Variants in FAT4 observed in about 807,000 individuals in gnomAD.
FAT4 encodes FAT atypical cadherin 4, also known as protocadherin Fat 4.
In FAT4, 84 loss-of-function variants were observed where a neutral mutation model predicts 303.9. The observed-to-expected ratio is 0.28, with a 90% CI of 0.23 to 0.33. The LOEUF is 0.33. Among genes scored for constraint, FAT4 ranks in the 10% least tolerant of loss-of-function variants. The probability of loss-of-function intolerance (pLI) is 1.00; values close to 1 mark genes in which losing one functional copy is unlikely to be tolerated. For missense variants in FAT4, 6,005 were observed against 6,146.8 expected, an observed-to-expected ratio of 0.98 and a Z score of 0.77; for synonymous variants, 2,307 against 2,298.8, an observed-to-expected ratio of 1.00 and a Z score of -0.10.
rs1169043623 is a variant in FAT4, at chr4:125,360,963, ATTT to A, written c.5176-37818_5176-37816del. Among the ~76,000 whole-genome samples the A allele has an allele frequency of 2.1e-5, 3 of 144,238 alleles. No individual in the cohort carries two copies. In the Admixed American group the frequency reaches 2.1e-4, roughly 10 times the overall value. The allele number at this position is 144,238 out of a possible 152,430, so 94.6% of individuals were successfully genotyped here. On this transcript the variant is annotated intron_variant, in intron 2 of 17. Transcript: ENST00000394329. The stretch of plus-strand genomic sequence containing the variant: ...ATTATTTTTATTTTATTTTATTTAT[ATTT>A]TTATTATTATTTATTTTATTTATTT...
chr4:125,411,631 A>G (rs960838949), intron 5 of FAT4, among the ~76,000 whole-genome samples: 1 of 151,442 alleles, frequency 6.6e-6, no homozygotes, highest in Admixed American at 6.6e-5. Context: ...TTAGTTCTTT[A>G]TAGAAATTAG....
chr4:125,322,966 A>C (rs1275649787), intron 2 of FAT4, among the ~76,000 whole-genome samples: 1 of 152,062 alleles, frequency 6.6e-6, no homozygotes, highest in Admixed American at 6.6e-5. Context: ...ATGTTGAGCT[A>C]TTTGGTGTAG....
At chr4:125,393,997 T>A in intron 2 of FAT4, 2 of 780,062 alleles carry the variant, frequency 2.6e-6, no homozygotes, top group Non-Finnish European at 4.8e-6. Context: ...GCAGCTGAAG[T>A]GTTTATTGTA....
At chr4:125,367,421 C>T (rs1732926852) in intron 2 of FAT4, among the ~76,000 whole-genome samples, 1 of 152,094 alleles carries the variant, frequency 6.6e-6, no homozygotes, top group Admixed American at 6.6e-5. Flanking sequence ...CAATTTGTAA[C>T]TGTCAGCAAT....
At position 125,393,879 on chromosome 4, in the gene FAT4, T is replaced by C. The variant is rs925243; in HGVS notation, c.5176-4905T>C. ...AAAATTATTTCATTTACCAGAGTTT[T>C]ACTGCTCAGGGCTCAGGTGACTCAG... is the stretch of plus-strand genomic sequence containing the variant. On this transcript the variant is annotated intron_variant, in intron 2 of 17. Coordinates refer to ENST00000394329, the MANE Select transcript of FAT4 (RefSeq NM_001291303.3). The C allele has an allele frequency of 0.98, 745,711 of 757,402 alleles. 367,853 individuals are homozygous for C. The highest frequency in any genetic ancestry group is 1 in the East Asian group (40,443 of 40,444). 46.9% of individuals were successfully genotyped at this position (757,402 alleles called of 1,614,324 possible).
At chr4:125,341,006 T>A (rs1252121738) in intron 2 of FAT4, among the ~76,000 whole-genome samples, 1 of 152,210 alleles carries the variant, frequency 6.6e-6, no homozygotes, top group Non-Finnish European at 1.5e-5. Flanking sequence ...TATGTAGCTT[T>A]AGAATACCTT....
chr4:125,451,045 G>C lies in FAT4; in HGVS notation c.10035G>C (p.Lys3345Asn), dbSNP rs200721145. ...VHYLIFGNSR[K>N]KGFQINKKTG... Reference sequence around the variant, plus strand: ...ATTTGATTTTTGGTAATAGTCGAAAGAAGGGTTTCCAGATCAATAAGAAGA... The same window carrying C: ...ATTTGATTTTTGGTAATAGTCGAAACAAGGGTTTCCAGATCAATAAGAAGA... Residue 3345 changes from lysine to asparagine, a missense_variant, in exon 10 of 18, where the codon AAG becomes AAC. Transcript: ENST00000394329. 1.2e-6 allele frequency: 2 copies of C among 1,614,056 alleles called. No homozygotes were observed. Among genetic ancestry groups the C allele is most frequent in the South Asian group, 2.2e-5 (2 of 91,070 alleles).
rs754892752 is a variant in FAT4, at chr4:125,415,411, A to G, written c.6448A>G (p.Asn2150Asp). Residue 2150 changes from asparagine (N) to aspartate (D), a missense_variant, in exon 6 of 18, where the codon AAC becomes GAC. Coordinates refer to ENST00000394329, the MANE Select transcript of FAT4 (RefSeq NM_001291303.3). ...VVVMVLDIND[N>D]NPIFAQALYK... ...AGTTATGGTACTTGACATCAATGATAACAACCCCATCTTTGCACAAGCTTT... is the reference window on the plus strand; with the variant it reads ...AGTTATGGTACTTGACATCAATGATGACAACCCCATCTTTGCACAAGCTTT... 3.1e-6 allele frequency: 5 copies of G among 1,614,100 alleles called. No individual in the cohort carries two copies. The South Asian group carries it at 4.4e-5, about 14-fold the overall frequency.
At position 125,404,996 on chromosome 4, in the gene FAT4, CT is replaced by C. The variant is rs529702530; in HGVS notation, c.5308-1870del. Among the ~76,000 whole-genome samples the C allele has an allele frequency of 7.9e-3, 1,114 of 141,152 alleles. 4 individuals carry two copies. The highest frequency in any genetic ancestry group is 0.029 in the South Asian group (127 of 4,412). The allele number at this position is 141,152 out of a possible 152,430, so 92.6% of individuals were successfully genotyped here. A position where few individuals can be genotyped will look rare whatever the true frequency, so the allele number is the denominator to read the frequency against. ...TTGGGACCAGAAGTGTCTCAAATTCCTTTTTTTTTTTTTTAAATTTTGGAAG... is the reference window on the plus strand; with the variant it reads ...TTGGGACCAGAAGTGTCTCAAATTCCTTTTTTTTTTTTTAAATTTTGGAAG... On this transcript the variant is annotated intron_variant, in intron 3 of 17. Transcript: ENST00000394329.
chr4:125,432,918 C>T (rs1192540019), intron 7 of FAT4, among the ~76,000 whole-genome samples: 1 of 152,090 alleles, frequency 6.6e-6, no homozygotes, highest in Non-Finnish European at 1.5e-5. Context: ...CTCTGCTCAA[C>T]TGGGTATACA....
rs200227715 is a variant in FAT4, at chr4:125,320,093, C to G, written c.3682C>G (p.Gln1228Glu). 2,343 of 1,613,706 alleles carry G rather than the reference C, an allele frequency of 1.5e-3. No individual in the cohort carries two copies. Among genetic ancestry groups the G allele is most frequent in the Non-Finnish European group, 1.9e-3 (2,200 of 1,179,808 alleles). ...TISESAANLTQVLRVSASDVD... is the reference protein window; with the variant it reads ...TISESAANLTEVLRVSASDVD... ...ATCAGAATCAGCAGCCAATCTGACACAAGTGTTAAGAGTATCTGCCTCAGA... is the reference window on the plus strand; with the variant it reads ...ATCAGAATCAGCAGCCAATCTGACAGAAGTGTTAAGAGTATCTGCCTCAGA... The change falls in exon 2 of 18, where the codon CAA becomes GAA. Residue 1228 changes from glutamine (Q) to glutamate (E), a missense_variant. By Grantham distance (29) the Gln-to-Glu change is conservative. Coordinates refer to ENST00000394329, the MANE Select transcript of FAT4 (RefSeq NM_001291303.3).
Position 125,450,911 on chromosome 4 carries a change from G to A in FAT4, c.9901G>A (p.Val3301Ile). ...KGTNEYVPRF[V>I]SKLYYFEISE... The stretch of plus-strand genomic sequence containing the variant: ...GACAAATGAATATGTGCCCCGTTTT[G>A]TTTCCAAACTTTACTATTTTGAAAT... Residue 3301 changes from valine to isoleucine, a missense_variant, in exon 10 of 18, where the codon GTT becomes ATT. Val to Ile is a conservative substitution (Grantham distance 29). Transcript: ENST00000394329. 1 of 1,614,104 alleles carries A rather than the reference G, an allele frequency of 6.2e-7. No individual in the cohort carries two copies. Among genetic ancestry groups the A allele is most frequent in the African/African-American group, 1.3e-5 (1 of 75,062 alleles).
chr4:125,456,281 C>T (rs1726273803), intron 10 of FAT4, among the ~76,000 whole-genome samples: 1 of 152,014 alleles, frequency 6.6e-6, no homozygotes, highest in Non-Finnish European at 1.5e-5. Flanking sequence ...ACTCCAGGGC[C>T]AGAGCTGCCA....
rs781258180 is a variant in FAT4, at chr4:125,491,807, A to G, written c.*39A>G. On this transcript the variant is annotated 3_prime_UTR_variant, in exon 18 of 18. Coordinates refer to ENST00000394329, the MANE Select transcript of FAT4 (RefSeq NM_001291303.3). ...GCACTATAAAATATAAAAACAAGAA[A>G]TAATACTCAAACCATTGTAAAGTTG... 5 of 1,524,016 alleles carry G rather than the reference A, an allele frequency of 3.3e-6. No individual in the cohort carries two copies. The highest frequency in any genetic ancestry group is 3.5e-6 in the Non-Finnish European group (4 of 1,136,860). The allele number at this position is 1,524,016 out of a possible 1,614,324, so 94.4% of individuals were successfully genotyped here. A position where few individuals can be genotyped will look rare whatever the true frequency, so the allele number is the denominator to read the frequency against.
intron 2 of FAT4, among the ~76,000 whole-genome samples, chr4:125,335,009 G>C (rs1215012830): frequency 6.6e-6 from 1 of 152,082 alleles, no homozygotes; most frequent in Non-Finnish European, 1.5e-5. Context: ...TGAATCTTTA[G>C]TGTTCTAATT....
In FAT4 at chr4:125,491,740, A is replaced by C. The variant is rs1393068102; in HGVS notation, c.14924A>C (p.Lys4975Thr). The C allele has an allele frequency of 3.7e-6, 6 of 1,613,366 alleles. No individual in the cohort carries two copies. The South Asian group carries it at 5.5e-5, about 15-fold the overall frequency. Residue 4975 changes from lysine (K) to threonine (T), a missense_variant, in exon 18 of 18, where the codon AAA (lysine) becomes ACA (threonine). Physicochemically the swap from Lys to Thr is moderately conservative, Grantham distance 78 (BLOSUM62 -1). Coordinates refer to ENST00000394329, the MANE Select transcript of FAT4 (RefSeq NM_001291303.3). The stretch of plus-strand genomic sequence containing the variant: ...GCTGGGACAACTAAACCAGTCCCCA[A>C]AGATGGGGAAGCAGAACAGTATGTG... ...GKAGTTKPVP[K>T]DGEAEQYV
chr4:125,365,475 A>G (rs543152094), intron 2 of FAT4, among the ~76,000 whole-genome samples: 1 of 152,226 alleles, frequency 6.6e-6, no homozygotes, highest in South Asian at 2.1e-4. Context: ...AAGTCTTATC[A>G]GTTTTGCTCT....
rs116010662 is a variant in FAT4 at position 125,328,547 on chromosome 4, G to A, written c.5175+6961G>A. 4.9e-3 allele frequency among the ~76,000 whole-genome samples: 752 copies of A among 152,310 alleles called. 6 individuals carry two copies. The highest frequency in any genetic ancestry group is 0.016 in the African/African-American group (686 of 41,590). On this transcript the variant is annotated intron_variant, in intron 2 of 17. Coordinates refer to ENST00000394329, the MANE Select transcript of FAT4 (RefSeq NM_001291303.3). ...AATGTTGAAAGACATTTAGAAACATGCTTTGCTACTGGCAGGTGGGAGCAA... is the reference window on the plus strand; with the variant it reads ...AATGTTGAAAGACATTTAGAAACATACTTTGCTACTGGCAGGTGGGAGCAA...
chr4:125,383,121 T>A (rs1733602881), intron 2 of FAT4, among the ~76,000 whole-genome samples: 1 of 152,202 alleles, frequency 6.6e-6, no homozygotes, highest in African/African-American at 2.4e-5. Flanking sequence ...ACTTTTAATT[T>A]CCTTCAGTAT....
Sources: allele counts gnomAD v4.1 joint callset (sites outside exome capture counted in the v4.1 genomes callset), GRCh38; gene constraint gnomAD v4.1.1; transcripts MANE v1.5; gene names NCBI Gene and HGNC (gene_info 2026-07-23, HGNC 2026-07-21).